The following TRIM16 variants were observed in gnomAD, a reference collection of about 807,000 sequenced individuals.
TRIM16 encodes the protein tripartite motif-containing protein 16.
Under a neutral mutation model 50.4 loss-of-function variants are expected in TRIM16, and 33 were observed. The ratio of observed to expected loss-of-function variants is 0.65; its 90% CI spans 0.50 to 0.88. The LOEUF (loss-of-function observed/expected upper bound fraction) is 0.88. TRIM16 is among the 40% of genes least tolerant of loss of function. The pLI, the probability that TRIM16 is intolerant of heterozygous loss-of-function variation, is 0.00. For missense variants in TRIM16, 581 were observed against 686.8 expected, an observed-to-expected ratio of 0.85 and a Z score of 1.72; for synonymous variants, 229 against 270.7, an observed-to-expected ratio of 0.85 and a Z score of 1.51.
rs1157617295 is a variant in TRIM16, at chr17:15,636,263, C to A, written c.622G>T (p.Val208Leu). The change falls in exon 9 of 12, where the codon GTG becomes TTG. Residue 208 changes from valine to leucine, a missense_variant. This residue lies in a region of TRIM16 where 450 missense variants were observed against 544.3 expected (regional missense o/e 0.83). Transcript: ENST00000649191. ...TCAGCCACCGCTTTGACCTCTGACACCGACACCTGGCAGGGGGTGGGGGTG... is the reference window on the plus strand; with the variant it reads ...TCAGCCACCGCTTTGACCTCTGACAACGACACCTGGCAGGGGGTGGGGGTG... ...QANQKSVLVS[V>L]SEVKAVAEMQ... 6.2e-7 allele frequency: 1 copy of A among 1,608,564 alleles called. No homozygotes were observed.
In TRIM16 at chr17:15,628,651, C is replaced by T; in HGVS notation, c.1659G>A (p.Glu553=). Reference sequence around the variant, plus strand: ...TCCCCACCAAGGACGGTGCTGGCTTCTCGGGTTCCTCTCCCAGATCTACAA... The same window carrying T: ...TCCCCACCAAGGACGGTGCTGGCTTTTCGGGTTCCTCTCCCAGATCTACAA... ...IRIVDLGEEP[E]KPAPSLVGTA... Residue 553 remains glutamate (E), a synonymous_variant, in exon 12 of 12, where the codon GAG becomes GAA. Coordinates refer to ENST00000649191, the MANE Select transcript of TRIM16 (RefSeq NM_001348119.1). The T allele has an allele frequency of 3.7e-6, 6 of 1,613,600 alleles. No individual in the cohort carries two copies. Among genetic ancestry groups the T allele is most frequent in the Non-Finnish European group, 5.1e-6 (6 of 1,179,720 alleles).
At chr17:15,651,023 GC>G in intron 7 of TRIM16, 67 bp downstream of exon 7, 1 of 1,547,374 alleles carries the variant, frequency 6.5e-7, no homozygotes, top group Non-Finnish European at 8.7e-7. Context: ...CCTAGCAGCT[GC>G]AGCCAGCTGG....
chr17:15,664,989 A>G (rs1017274366), intron 6 of TRIM16, among the ~76,000 whole-genome samples: 2 of 139,916 alleles, frequency 1.4e-5, no homozygotes, highest in South Asian at 2.3e-4. Flanking sequence ...CAGAGATGGC[A>G]CCATTGCACT....
intron 6 of TRIM16, among the ~76,000 whole-genome samples, chr17:15,660,956 A>C (rs1399697128): frequency 6.6e-6 from 1 of 152,066 alleles, no homozygotes; most frequent in Admixed American, 6.5e-5. Flanking sequence ...CCGTGAGAGC[A>C]AAATAACCAC....
chr17:15,660,897 C>CAAAA (rs550489491), intron 6 of TRIM16, among the ~76,000 whole-genome samples: 17 of 60,096 alleles, frequency 2.8e-4, no homozygotes, highest in East Asian at 9.3e-4. Flanking sequence ...GACTCCATCT[C>CAAAA]AAAAAAAAAA....
chr17:15,672,177 C>G (rs1347177696), intron 6 of TRIM16, among the ~76,000 whole-genome samples: 5 of 151,936 alleles, frequency 3.3e-5, no homozygotes, highest in Non-Finnish European at 7.4e-5. Context: ...GCCAAGCATA[C>G]AGGCAATTTT....
intron 8 of TRIM16, among the ~76,000 whole-genome samples, chr17:15,642,271 A>G (rs1052602158): frequency 6.7e-6 from 1 of 148,956 alleles, no homozygotes; most frequent in Non-Finnish European, 1.5e-5. Context: ...GGCCTTCTCA[A>G]ATACCATCAG....
Position 15,651,300 on chromosome 17 carries a change from G to A in TRIM16, c.310C>T (p.His104Tyr). Reference sequence around the variant, plus strand: ...ATGTTCACCTGATGCGGCTGCAAGTGCTCTTCACAGTAATTCACCATGCAG... The same window carrying A: ...ATGTTCACCTGATGCGGCTGCAAGTACTCTTCACAGTAATTCACCATGCAG... ...LTCMVNYCEE[H>Y]LQPHQVNIKL... The change falls in exon 7 of 12, where the codon CAC (histidine) becomes TAC (tyrosine). Residue 104 changes from histidine to tyrosine, a missense_variant. His to Tyr is a moderately conservative substitution (Grantham distance 83, BLOSUM62 2). Around this residue, in one of 3 missense-constraint regions of TRIM16, gnomAD observed 450 missense variants for 544.3 expected, o/e 0.83. Transcript: ENST00000649191. 1.2e-6 allele frequency: 2 copies of A among 1,614,238 alleles called. No homozygotes were observed. The highest frequency in any genetic ancestry group is 8.5e-7 in the Non-Finnish European group (1 of 1,180,044).
At chr17:15,652,817 A>C (rs1258640029) in intron 6 of TRIM16, among the ~76,000 whole-genome samples, 1 of 152,006 alleles carries the variant, frequency 6.6e-6, no homozygotes, top group African/African-American at 2.4e-5. Context: ...CATTCCAGTA[A>C]TGTCCGTCAC....
intron 7 of TRIM16, among the ~76,000 whole-genome samples, chr17:15,650,088 C>A (rs1987612317): frequency 6.6e-6 from 1 of 152,176 alleles, no homozygotes; most frequent in Non-Finnish European, 1.5e-5. Context: ...CAGCTAAAAT[C>A]TATGTCTAGG....
At chr17:15,682,111 G>A (rs1438160774) in intron 3 of TRIM16, among the ~76,000 whole-genome samples, 1 of 152,120 alleles carries the variant, frequency 6.6e-6, no homozygotes. Flanking sequence ...CACATAAACG[G>A]CCCAAACCAG....
chr17:15,677,970 C>T (rs551027247), intron 4 of TRIM16, among the ~76,000 whole-genome samples: 1 of 152,270 alleles, frequency 6.6e-6, no homozygotes, highest in East Asian at 1.9e-4. Context: ...GTAATCCCAG[C>T]ACTTTGGGAG....
At chr17:15,652,318 C>CTT (rs371423949) in intron 6 of TRIM16, among the ~76,000 whole-genome samples, 52 of 136,546 alleles carry the variant, frequency 3.8e-4, no homozygotes, top group African/African-American at 7.2e-4. Context: ...CGGCTAATTT[C>CTT]TTTTTTTTTT....
intron 11 of TRIM16, among the ~76,000 whole-genome samples, chr17:15,629,692 TC>T (rs1986310556): frequency 6.6e-6 from 1 of 152,162 alleles, no homozygotes; most frequent in Non-Finnish European, 1.5e-5. Flanking sequence ...CTCCTCCCAC[TC>T]CCAAAGAATA....
chr17:15,647,373 G>A (rs1987444407), intron 7 of TRIM16, among the ~76,000 whole-genome samples: 1 of 152,256 alleles, frequency 6.6e-6, no homozygotes, highest in Non-Finnish European at 1.5e-5. Flanking sequence ...CCCCAGATGA[G>A]CGTGGATACT....
intron 6 of TRIM16, among the ~76,000 whole-genome samples, chr17:15,676,909 A>C (rs2151426931): frequency 6.6e-6 from 1 of 152,354 alleles, no homozygotes; most frequent in East Asian, 1.9e-4. Context: ...CCAGCTACTA[A>C]AGAGGAAATG....
At chr17:15,656,278 A>G (rs919833657) in intron 6 of TRIM16, among the ~76,000 whole-genome samples, 1 of 152,102 alleles carries the variant, frequency 6.6e-6, no homozygotes, top group African/African-American at 2.4e-5. Flanking sequence ...AAGTCACATG[A>G]TTCTTTTGAA....
In TRIM16 at chr17:15,651,351, C is replaced by T. The variant is rs1172054545; in HGVS notation, c.259G>A (p.Val87Met). Residue 87 changes from valine to methionine, a missense_variant, in exon 7 of 12, where the codon GTG (valine) becomes ATG (methionine). Around this residue, in one of 3 missense-constraint regions of TRIM16, gnomAD observed 450 missense variants for 544.3 expected, o/e 0.83. Coordinates refer to ENST00000649191, the MANE Select transcript of TRIM16 (RefSeq NM_001348119.1). ...GTTAGACAGGACTTCACTGCCTTCACTCTTCTGGTGTCATCAAGGCAGAAG... is the reference window on the plus strand; with the variant it reads ...GTTAGACAGGACTTCACTGCCTTCATTCTTCTGGTGTCATCAAGGCAGAAG... ...CDFCLDDTRR[V>M]KAVKSCLTCM... The T allele has an allele frequency of 1.2e-6, 2 of 1,614,260 alleles. No homozygotes were observed. Among genetic ancestry groups the T allele is most frequent in the South Asian group, 2.2e-5 (2 of 91,088 alleles).
At position 15,643,436 on chromosome 17, in the gene TRIM16, T is replaced by G. The variant is rs188545216; in HGVS notation, c.520-620A>C. On this transcript the variant is annotated intron_variant, in intron 7 of 11. Transcript: ENST00000649191. The stretch of plus-strand genomic sequence containing the variant: ...CAATAACTTGACTCTTTCAACCAAC[T>G]GCCAATCAGAAAATCTTTGAATCTA... Among the ~76,000 whole-genome samples the G allele has an allele frequency of 1.4e-4, 20 of 140,136 alleles. 1 individual carries two copies. The highest frequency in any genetic ancestry group is 1.1e-3 in the Admixed American group (17 of 14,910). The allele number at this position is 140,136 out of a possible 152,430, so 91.9% of individuals were successfully genotyped here.
Sources: allele counts gnomAD v4.1 joint callset (sites outside exome capture counted in the v4.1 genomes callset), GRCh38; gene constraint gnomAD v4.1.1; regional missense constraint gnomAD v4.1.1; transcripts MANE v1.5; gene names NCBI Gene and HGNC (gene_info 2026-07-23, HGNC 2026-07-21).